The following OPCML variants were observed in gnomAD, a reference collection of about 807,000 sequenced individuals.
OPCML encodes opioid-binding protein/cell adhesion molecule.
A neutral mutation model predicts 37.8 loss-of-function variants in OPCML; 13 were observed. The observed-to-expected ratio is 0.34, with a 90% CI of 0.22 to 0.55. The LOEUF (loss-of-function observed/expected upper bound fraction) is 0.55, where lower values mean the gene tolerates loss of function less well. Among genes scored for constraint, OPCML ranks in the 20% least tolerant of loss-of-function variants. The probability of loss-of-function intolerance (pLI) is 0.91; values close to 1 mark genes in which losing one functional copy is unlikely to be tolerated. For missense variants in OPCML, 341 were observed against 435.6 expected (o/e 0.78, Z 1.93); for synonymous variants, 176 against 168.8 (o/e 1.04, Z -0.33).
Position 132,428,502 on chromosome 11 carries a change from C to T in OPCML, c.916+7584G>A, listed in dbSNP as rs116541291. Among the ~76,000 whole-genome samples the T allele has an allele frequency of 6.1e-3, 926 of 152,258 alleles. 8 individuals carry two copies. Among genetic ancestry groups the T allele is most frequent in the African/African-American group, 0.021 (867 of 41,544 alleles). ...AAAAGATGAGGGATTGATTCTTCAG[C>T]GGAGCTCACAAATGCTTTACATATG... On this transcript the variant is annotated intron_variant, in intron 7 of 7. Transcript: ENST00000524381.
intron 1 of OPCML, among the ~76,000 whole-genome samples, chr11:133,159,426 G>A (rs939972992): frequency 1.3e-5 from 2 of 152,174 alleles, no homozygotes; most frequent in African/African-American, 4.8e-5. Context: ...ACATTCTTCT[G>A]TCCCACAGGG....
intron 2 of OPCML, among the ~76,000 whole-genome samples, chr11:132,823,674 T>C (rs1342880700): frequency 6.6e-6 from 1 of 152,144 alleles, no homozygotes; most frequent in East Asian, 1.9e-4. Flanking sequence ...TTGTTCTGTT[T>C]CACAGCAAAA....
At chr11:133,319,637 G>A (rs192096514) in intron 1 of OPCML, among the ~76,000 whole-genome samples, 13 of 152,170 alleles carry the variant, frequency 8.5e-5, no homozygotes, top group East Asian at 5.8e-4. Flanking sequence ...CTCGGCCCTC[G>A]TCTGCCACAT....
In OPCML at chr11:132,554,646, C is replaced by T. The variant is rs11223112; in HGVS notation, c.380-25460G>A. Among the ~76,000 whole-genome samples the T allele has an allele frequency of 2.0e-5, 3 of 152,240 alleles. No individual in the cohort carries two copies. The East Asian group carries it at 5.8e-4, about 30-fold the overall frequency. On this transcript the variant is annotated intron_variant, in intron 3 of 7. Coordinates refer to ENST00000524381, the MANE Select transcript of OPCML (RefSeq NM_001012393.5). ...CAGCTCATGGTGCCCTGTCTCCAGT[C>T]TACCAGGCCAGAGCTTTCACTGTCA...
chr11:133,262,595 A>G (rs982220023), intron 1 of OPCML, among the ~76,000 whole-genome samples: 2 of 152,192 alleles, frequency 1.3e-5, no homozygotes, highest in African/African-American at 2.4e-5. Context: ...TCACACCTGC[A>G]TCAATGGCCA....
At chr11:132,508,683 G>C (rs772552265) in intron 4 of OPCML, among the ~76,000 whole-genome samples, 1 of 152,110 alleles carries the variant, frequency 6.6e-6, no homozygotes, top group African/African-American at 2.4e-5. Context: ...ATTATTAGGG[G>C]TTTCCGCTTT....
intron 1 of OPCML, among the ~76,000 whole-genome samples, chr11:133,511,925 T>A (rs916158565): frequency 3.3e-5 from 5 of 152,184 alleles, no homozygotes; most frequent in Non-Finnish European, 4.4e-5. Flanking sequence ...ATGAATGAGT[T>A]AAAGAGCAAT....
intron 3 of OPCML, among the ~76,000 whole-genome samples, chr11:132,534,945 T>G (rs2096336346): frequency 6.6e-6 from 1 of 151,746 alleles, no homozygotes; most frequent in African/African-American, 2.4e-5. Context: ...TTCCTAAATC[T>G]TAGTTTCCAA....
intron 3 of OPCML, among the ~76,000 whole-genome samples, chr11:132,547,855 G>A (rs895929525): frequency 1.2e-4 from 18 of 152,074 alleles, no homozygotes; most frequent in Admixed American, 1.3e-4. Flanking sequence ...GTCAAGCAGC[G>A]TGCATTGGTG....
intron 1 of OPCML, among the ~76,000 whole-genome samples, chr11:133,263,979 G>T (rs892678389): frequency 1.3e-5 from 2 of 152,068 alleles, no homozygotes; most frequent in Admixed American, 1.3e-4. Flanking sequence ...CGTTTAAAAT[G>T]GAACAGTGAA....
intron 2 of OPCML, among the ~76,000 whole-genome samples, chr11:132,812,623 T>C (rs1453751694): frequency 1.3e-5 from 2 of 152,210 alleles, no homozygotes; most frequent in African/African-American, 4.8e-5. Flanking sequence ...TATCTGTCTA[T>C]TAAAAGTGGA....
chr11:133,354,213 G>A (rs545533655), intron 1 of OPCML, among the ~76,000 whole-genome samples: 1 of 152,342 alleles, frequency 6.6e-6, no homozygotes, highest in African/African-American at 2.4e-5. Context: ...TGGTGGTGGT[G>A]ATGATGCTGG....
rs185352619 is a variant in OPCML at position 133,439,671 on chromosome 11, T to G, written c.61+92593A>C. ...TTTAGTAGAGACGGGGTTTCACCGT[T>G]TTAGCCAGGATGGTCTCGATCTCCT... On this transcript the variant is annotated intron_variant, in intron 1 of 7. Coordinates refer to ENST00000524381, the MANE Select transcript of OPCML (RefSeq NM_001012393.5). Among the ~76,000 whole-genome samples, 655 of 151,872 alleles carry G rather than the reference T, an allele frequency of 4.3e-3. 4 individuals carry two copies. The highest frequency in any genetic ancestry group is 0.014 in the African/African-American group (596 of 41,428).
chr11:133,457,364 T>G (rs1169181149), intron 1 of OPCML, among the ~76,000 whole-genome samples: 12 of 151,912 alleles, frequency 7.9e-5, no homozygotes, highest in Non-Finnish European at 1.8e-4. Flanking sequence ...AGACTCCATC[T>G]CTGCAAAAAA....
intron 2 of OPCML, among the ~76,000 whole-genome samples, chr11:132,848,361 A>G (rs1591696872): frequency 6.6e-6 from 1 of 152,338 alleles, no homozygotes; most frequent in East Asian, 1.9e-4. Flanking sequence ...GGCATATTAT[A>G]TATTCACATA....
At chr11:133,527,206 A>G (rs1449884099) in intron 1 of OPCML, among the ~76,000 whole-genome samples, 1 of 152,226 alleles carries the variant, frequency 6.6e-6, no homozygotes, top group Non-Finnish European at 1.5e-5. Context: ...CAAGGCTGAC[A>G]TACAAGTCCA....
intron 2 of OPCML, among the ~76,000 whole-genome samples, chr11:132,711,717 T>TA (rs1750039581): frequency 6.6e-6 from 1 of 152,196 alleles, no homozygotes; most frequent in Non-Finnish European, 1.5e-5. Context: ...TATACATGTG[T>TA]GTGGTATACA....
intron 1 of OPCML, among the ~76,000 whole-genome samples, chr11:133,123,009 T>C (rs1949445349): frequency 6.6e-6 from 1 of 152,212 alleles, no homozygotes; most frequent in Non-Finnish European, 1.5e-5. Flanking sequence ...CTCAGAGCCT[T>C]CTGAAAGCAG....
intron 2 of OPCML, among the ~76,000 whole-genome samples, chr11:132,888,400 G>A (rs866778925): frequency 5.0e-4 from 76 of 152,260 alleles, no homozygotes; most frequent in African/African-American, 1.7e-3. Flanking sequence ...ATTGAAGGAA[G>A]CACAGCCATG....
Sources: gnomAD v4.1 joint callset for allele counts (sites outside exome capture counted in the v4.1 genomes callset) on GRCh38, gnomAD v4.1.1 for gene constraint, MANE v1.5 for transcripts, NCBI Gene and HGNC (gene_info 2026-07-23, HGNC 2026-07-21) for gene names.